Variants in LAMA2 observed in about 807,000 individuals in gnomAD.
The protein encoded by LAMA2 is laminin subunit alpha 2, also known as laminin subunit alpha-2.
Under a neutral mutation model 364.8 loss-of-function variants are expected in LAMA2, and 269 were observed. The ratio of observed to expected loss-of-function variants is 0.74; its 90% CI spans 0.67 to 0.82. The LOEUF (loss-of-function observed/expected upper bound fraction) is 0.82. Ranked by LOEUF, LAMA2 falls within the 40% of genes least tolerant of loss-of-function variation. LAMA2 has a pLI of 0.00. For missense variants in LAMA2, 3,807 were observed against 3,873.2 expected (o/e 0.98, Z 0.45); for synonymous variants, 1,379 against 1,370.6 (o/e 1.01, Z -0.14).
Position 129,438,759 on chromosome 6 carries a change from A to G in LAMA2, c.6082A>G (p.Asn2028Asp), listed in dbSNP as rs1781958520. 2 of 1,489,300 alleles carry G rather than the reference A, an allele frequency of 1.3e-6. No individual in the cohort carries two copies. Among genetic ancestry groups the G allele is most frequent in the African/African-American group, 1.4e-5 (1 of 72,386 alleles). The allele number at this position is 1,489,300 out of a possible 1,614,324, so 92.3% of individuals were successfully genotyped here. A position where few individuals can be genotyped will look rare whatever the true frequency, so the allele number is the denominator to read the frequency against. The change falls in exon 42 of 65, where the codon AAT (asparagine) becomes GAT (aspartate). Residue 2028 changes from asparagine to aspartate, a missense_variant. This residue lies in a region of LAMA2 where 3,333 missense variants were observed against 3,345.7 expected (regional missense o/e 1.00). Coordinates refer to ENST00000421865, the MANE Select transcript of LAMA2 (RefSeq NM_000426.4). ...TTTGGGAAAGTTATCAGCTATTCCA[A>G]ATGGTAAGCATTCAGGACACTACCA... ...DTLGKLSAIP[N>D]DTAAKLQAVK...
At chr6:129,050,197 G>C in intron 2 of LAMA2, 109 bp downstream of exon 2, 1 of 1,128,788 alleles carries the variant, frequency 8.9e-7, no homozygotes, top group South Asian at 1.3e-5. Context: ...AGAATTCCTA[G>C]AATTCTTTTT....
chr6:128,961,912 T>C (rs1476243292), intron 1 of LAMA2, among the ~76,000 whole-genome samples: 1 of 151,576 alleles, frequency 6.6e-6, no homozygotes, highest in Non-Finnish European at 1.5e-5. Flanking sequence ...TTTTGCAGCC[T>C]CAACACTTAC....
rs1214826895 is a variant in LAMA2, at chr6:128,962,185, T to TATATATATATACAC, written c.112+78829_112+78830insTATATATATACACA. ...ATATATATATATATATATATATATATACACACATACACACACACATACACA... is the reference window on the plus strand; with the variant it reads ...ATATATATATATATATATATATATATATATATATATACACACACACATACACACACACATACACA... On this transcript the variant is annotated intron_variant, in intron 1 of 64. Transcript: ENST00000421865. Among the ~76,000 whole-genome samples, 129 of 103,916 alleles carry TATATATATATACAC rather than the reference T, an allele frequency of 1.2e-3. 5 individuals carry two copies. The highest frequency in any genetic ancestry group is 1.9e-3 in the Non-Finnish European group (96 of 50,018). 68.2% of individuals were successfully genotyped at this position (103,916 alleles called of 152,430 possible). A position where few individuals can be genotyped will look rare whatever the true frequency, so the allele number is the denominator to read the frequency against.
chr6:129,033,215 G>C (rs1290423218), intron 1 of LAMA2, among the ~76,000 whole-genome samples: 1 of 146,094 alleles, frequency 6.8e-6, no homozygotes, highest in Non-Finnish European at 1.5e-5. Flanking sequence ...AATAGTTACT[G>C]ATAAAAAAAA....
At chr6:129,371,963 T>C (rs2114631621) in intron 34 of LAMA2, among the ~76,000 whole-genome samples, 1 of 152,268 alleles carries the variant, frequency 6.6e-6, no homozygotes, top group South Asian at 2.1e-4. Context: ...CCTATACTCT[T>C]TACCCTTTCC....
chr6:129,083,971 G>A (rs139886598), intron 3 of LAMA2, among the ~76,000 whole-genome samples: 17 of 152,258 alleles, frequency 1.1e-4, no homozygotes, highest in South Asian at 6.2e-4. Context: ...AAACTGCACC[G>A]CAGGTGTATT....
chr6:129,035,139 G>A (rs1035681687), intron 1 of LAMA2, among the ~76,000 whole-genome samples: 4 of 151,790 alleles, frequency 2.6e-5, no homozygotes, highest in East Asian at 1.9e-4. Flanking sequence ...CAACCTCACC[G>A]ATATCTAATA....
At chr6:128,943,691 CA>C (rs1780319376) in intron 1 of LAMA2, among the ~76,000 whole-genome samples, 1 of 152,050 alleles carries the variant, frequency 6.6e-6, no homozygotes, top group African/African-American at 2.4e-5. Flanking sequence ...GAAATAATAT[CA>C]AAAAGAAATC....
chr6:129,091,263 C>A (rs563741201), intron 3 of LAMA2, among the ~76,000 whole-genome samples: 7 of 152,244 alleles, frequency 4.6e-5, no homozygotes, highest in African/African-American at 1.4e-4. Flanking sequence ...TTGATTTAAA[C>A]CCTTTTGAAA....
At chr6:129,106,346 A>C (rs1360687140) in intron 4 of LAMA2, among the ~76,000 whole-genome samples, 1 of 152,170 alleles carries the variant, frequency 6.6e-6, no homozygotes, top group African/African-American at 2.4e-5. Context: ...TGTTTCAGAA[A>C]TTCTCCTTTG....
chr6:129,110,792 TC>T (rs907295658), intron 4 of LAMA2, among the ~76,000 whole-genome samples: 1 of 151,952 alleles, frequency 6.6e-6, no homozygotes, highest in Non-Finnish European at 1.5e-5. Context: ...AACACTTAGG[TC>T]CAATCAGTCA....
chr6:128,960,281 CATGG>C (rs1448467604), intron 1 of LAMA2, among the ~76,000 whole-genome samples: 3 of 150,636 alleles, frequency 2.0e-5, no homozygotes, highest in African/African-American at 7.3e-5. Flanking sequence ...TATTGAATTT[CATGG>C]ATTAATCCCC....
At chr6:128,971,005 C>T (rs761884718) in intron 1 of LAMA2, among the ~76,000 whole-genome samples, 8 of 152,104 alleles carry the variant, frequency 5.3e-5, no homozygotes, top group Non-Finnish European at 1.2e-4. Context: ...CTACTGCTGG[C>T]ATGTGGAATG....
intron 45 of LAMA2, among the ~76,000 whole-genome samples, chr6:129,449,211 T>C (rs2114781249): frequency 6.6e-6 from 1 of 152,334 alleles, no homozygotes; most frequent in African/African-American, 2.4e-5. Flanking sequence ...GGGCAATAGA[T>C]TACTGTCTAG....
chr6:129,243,254 TATGCTC>T (rs1478855936), intron 12 of LAMA2, among the ~76,000 whole-genome samples: 2 of 152,118 alleles, frequency 1.3e-5, no homozygotes, highest in Non-Finnish European at 2.9e-5. Flanking sequence ...AGACAAAACA[TATGCTC>T]AAGATAGGTC....
At chr6:129,378,289 A>G (rs1484762356) in intron 34 of LAMA2, among the ~76,000 whole-genome samples, 2 of 152,360 alleles carry the variant, frequency 1.3e-5, no homozygotes, top group East Asian at 3.8e-4. Context: ...AATCAGACAG[A>G]TAGTTCCTAT....
intron 10 of LAMA2, among the ~76,000 whole-genome samples, chr6:129,178,153 C>G (rs527650931): frequency 6.6e-6 from 1 of 152,240 alleles, no homozygotes; most frequent in South Asian, 2.1e-4. Context: ...TAAAAATATA[C>G]GGCACTAGAA....
At chr6:129,033,216 A>AT (rs796323153) in intron 1 of LAMA2, among the ~76,000 whole-genome samples, 17 of 148,520 alleles carry the variant, frequency 1.1e-4, no homozygotes, top group African/African-American at 4.4e-4. Flanking sequence ...ATAGTTACTG[A>AT]TAAAAAAAAA....
At chr6:129,388,292 G>C (rs945890189) in intron 35 of LAMA2, among the ~76,000 whole-genome samples, 2 of 151,542 alleles carry the variant, frequency 1.3e-5, no homozygotes, top group Admixed American at 1.3e-4. Context: ...ACAAAAAACT[G>C]GTTGACGGGT....
Sources: allele counts gnomAD v4.1 joint callset (sites outside exome capture counted in the v4.1 genomes callset), GRCh38; gene constraint gnomAD v4.1.1; regional missense constraint gnomAD v4.1.1; transcripts MANE v1.5; gene names NCBI Gene and HGNC (gene_info 2026-07-23, HGNC 2026-07-21).